Variants in SLCO3A1 observed in about 807,000 individuals in gnomAD.
The protein encoded by SLCO3A1 is solute carrier organic anion transporter family member 3A1, also known as PGE1 transporter.
SLCO3A1 carries 27 observed loss-of-function variants against 63.1 expected under a neutral mutation model. The observed-to-expected ratio is 0.43, with a 90% CI of 0.32 to 0.59. The LOEUF is 0.59. Among genes scored for constraint, SLCO3A1 ranks in the 20% least tolerant of loss-of-function variants. The pLI, the probability that SLCO3A1 is intolerant of heterozygous loss-of-function variation, is 0.09. For missense variants in SLCO3A1, 773 were observed against 945.8 expected, an observed-to-expected ratio of 0.82 and a Z score of 2.40; for synonymous variants, 473 against 409.9, an observed-to-expected ratio of 1.15 and a Z score of -1.86.
chr15:92,035,349 CTG>C lies in SLCO3A1; in HGVS notation c.647-59528_647-59527del, dbSNP rs569281918. 2.2e-3 allele frequency among the ~76,000 whole-genome samples: 337 copies of C among 151,982 alleles called. 7 individuals are homozygous for C. Among genetic ancestry groups the C allele is most frequent in the Admixed American group, 6.2e-3 (94 of 15,238 alleles). On this transcript the variant is annotated intron_variant, in intron 2 of 9. Transcript: ENST00000318445. ...GATTTTGCTTTTTCCTTCGTCCAAACTGTGTTTGCTGAAAATCCCTGTCGTAT... is the reference window on the plus strand; with the variant it reads ...GATTTTGCTTTTTCCTTCGTCCAAACTGTTTGCTGAAAATCCCTGTCGTAT...
intron 2 of SLCO3A1, among the ~76,000 whole-genome samples, chr15:91,992,461 T>A (rs2046138645): frequency 6.6e-6 from 1 of 152,214 alleles, no homozygotes; most frequent in African/African-American, 2.4e-5. Context: ...TTTGTGTGTT[T>A]CCTTACTACT....
chr15:91,958,400 T>C (rs1047783751), intron 2 of SLCO3A1, among the ~76,000 whole-genome samples: 1 of 152,218 alleles, frequency 6.6e-6, no homozygotes, highest in Non-Finnish European at 1.5e-5. Context: ...TTTGATGTCA[T>C]GGAGCAAAGA....
intron 4 of SLCO3A1, among the ~76,000 whole-genome samples, chr15:92,110,146 T>G (rs558632948): frequency 6.6e-6 from 1 of 152,168 alleles, no homozygotes; most frequent in Non-Finnish European, 1.5e-5. Context: ...AAGGTTCACC[T>G]TTTGAGGAGC....
chr15:92,113,049 T>C (rs1047853249), intron 4 of SLCO3A1, among the ~76,000 whole-genome samples: 1 of 152,212 alleles, frequency 6.6e-6, no homozygotes, highest in African/African-American at 2.4e-5. Context: ...GTTGTTTGCT[T>C]ACAAAAGCCT....
At chr15:92,029,452 G>A (rs16946314) in intron 2 of SLCO3A1, among the ~76,000 whole-genome samples, 28,115 of 152,144 alleles carry the variant, frequency 0.18, 2,801 homozygotes, top group Non-Finnish European at 0.21. Context: ...TAAACTCTCC[G>A]TTCCGCATCT....
intron 1 of SLCO3A1, among the ~76,000 whole-genome samples, chr15:91,903,196 T>A (rs1898203790): frequency 1.3e-5 from 2 of 152,024 alleles, no homozygotes; most frequent in Admixed American, 1.3e-4. Flanking sequence ...GCTCTCAGAG[T>A]AACTGAAGAT....
At chr15:91,887,627 G>C (rs562073257) in intron 1 of SLCO3A1, among the ~76,000 whole-genome samples, 2 of 152,168 alleles carry the variant, frequency 1.3e-5, no homozygotes, top group African/African-American at 4.8e-5. Flanking sequence ...TGGCCACTTC[G>C]TAGTAATAAA....
downstream of SLCO3A1, among the ~76,000 whole-genome samples, chr15:92,167,205 G>A (rs950277704): frequency 6.6e-6 from 1 of 152,206 alleles, no homozygotes; most frequent in Non-Finnish European, 1.5e-5. Context: ...TTGATGGCTT[G>A]GGAGAACCAC....
chr15:91,979,124 C>G (rs1231430261), intron 2 of SLCO3A1, among the ~76,000 whole-genome samples: 2 of 152,174 alleles, frequency 1.3e-5, no homozygotes, highest in African/African-American at 4.8e-5. Context: ...CATTAAGCAT[C>G]AAGCGAGTTT....
intron 1 of SLCO3A1, among the ~76,000 whole-genome samples, chr15:91,899,119 A>G (rs1042760362): frequency 1.3e-5 from 2 of 151,920 alleles, no homozygotes; most frequent in African/African-American, 4.8e-5. Flanking sequence ...CAACATACCA[A>G]CTCCTGGGTT....
At chr15:92,049,771 A>G (rs1261493736) in intron 2 of SLCO3A1, among the ~76,000 whole-genome samples, 2 of 152,196 alleles carry the variant, frequency 1.3e-5, no homozygotes, top group Admixed American at 1.3e-4. Context: ...ACTGACATTT[A>G]GGGCCATTCA....
chr15:91,871,773 T>G, intron 1 of SLCO3A1, among the ~76,000 whole-genome samples: 1 of 147,498 alleles, frequency 6.8e-6, no homozygotes, highest in Non-Finnish European at 1.5e-5. Context: ...TGGTTTTTTT[T>G]TTTTTTTTTT....
intron 2 of SLCO3A1, among the ~76,000 whole-genome samples, chr15:91,926,604 C>CACGCGT (rs1899036747): frequency 4.6e-5 from 2 of 43,622 alleles, no homozygotes; most frequent in African/African-American, 2.3e-4. Flanking sequence ...TGTGCGCGCG[C>CACGCGT]GCACGCCCAT....
At position 92,132,335 on chromosome 15, in the gene SLCO3A1, A is replaced by AT. The variant is rs1279340614; in HGVS notation, c.1512+3858dup. ...AACTTTTCTTCCTGCTCTGGATTGGATTTTTTTTTTTTATTTTCTTATATC... is the reference window on the plus strand; with the variant it reads ...AACTTTTCTTCCTGCTCTGGATTGGATTTTTTTTTTTTTATTTTCTTATATC... On this transcript the variant is annotated intron_variant, in intron 7 of 9. Transcript: ENST00000318445. 4.9e-4 allele frequency among the ~76,000 whole-genome samples: 68 copies of AT among 138,520 alleles called. 5 individuals carry two copies. The highest frequency in any genetic ancestry group is 1.1e-3 in the South Asian group (5 of 4,356). 90.9% of individuals were successfully genotyped at this position (138,520 alleles called of 152,430 possible).
intron 2 of SLCO3A1, among the ~76,000 whole-genome samples, chr15:91,928,878 T>C (rs1390019916): frequency 6.6e-6 from 1 of 152,238 alleles, no homozygotes; most frequent in Non-Finnish European, 1.5e-5. Flanking sequence ...CAGCATTTAA[T>C]TGGTATACAT....
rs1291189834 is a variant in SLCO3A1 at position 92,012,402 on chromosome 15, G to C, written c.647-82479G>C. Among the ~76,000 whole-genome samples the C allele has an allele frequency of 2.0e-5, 3 of 152,106 alleles. No individual in the cohort carries two copies. The East Asian group carries it at 5.8e-4, about 29-fold the overall frequency. On this transcript the variant is annotated intron_variant, in intron 2 of 9. Coordinates refer to ENST00000318445, the MANE Select transcript of SLCO3A1 (RefSeq NM_013272.4). ...GTCCCTTCCCAGCCCACAGTTCTGG[G>C]AATTTAGTCACCTTGAAGCCAAGGG...
intron 2 of SLCO3A1, among the ~76,000 whole-genome samples, chr15:92,036,144 C>A (rs1416123857): frequency 6.6e-6 from 1 of 152,184 alleles, no homozygotes; most frequent in Non-Finnish European, 1.5e-5. Context: ...CTAGATTTCT[C>A]CTGCATGTCT....
chr15:92,109,086 G>A (rs1216259365), intron 4 of SLCO3A1, among the ~76,000 whole-genome samples: 1 of 152,184 alleles, frequency 6.6e-6, no homozygotes, highest in African/African-American at 2.4e-5. Flanking sequence ...TTTCTTGCAA[G>A]CCTGCATGTA....
intron 2 of SLCO3A1, among the ~76,000 whole-genome samples, chr15:92,082,950 A>G (rs2047364390): frequency 1.3e-5 from 2 of 152,202 alleles, no homozygotes; most frequent in South Asian, 4.1e-4. Flanking sequence ...TCTCATCTAC[A>G]AAAAGAGTCT....
Sources: gnomAD v4.1 joint callset for allele counts (sites outside exome capture counted in the v4.1 genomes callset) on GRCh38, gnomAD v4.1.1 for gene constraint, MANE v1.5 for transcripts, NCBI Gene and HGNC (gene_info 2026-07-23, HGNC 2026-07-21) for gene names.